The following COCH variants were observed in gnomAD, a reference collection of about 807,000 sequenced individuals.
COCH encodes the protein coagulation factor C homolog, cochlin (Limulus polyphemus).
COCH carries 40 observed loss-of-function variants against 54.8 expected under a neutral mutation model. That is an observed-to-expected ratio of 0.73 (90% CI 0.57 to 0.95). The LOEUF is 0.95. COCH is among the 40% of genes least tolerant of loss of function. COCH has a pLI of 0.00. For missense variants in COCH, 605 were observed against 675.0 expected, an observed-to-expected ratio of 0.90 and a Z score of 1.15; for synonymous variants, 256 against 237.9, an observed-to-expected ratio of 1.08 and a Z score of -0.70.
intron 5 of COCH, among the ~76,000 whole-genome samples, chr14:30,879,210 A>G (rs1421514674): frequency 6.6e-6 from 1 of 152,222 alleles, no homozygotes; most frequent in Non-Finnish European, 1.5e-5. Flanking sequence ...CTTACCAAGG[A>G]ACTGAAAAAC....
At chr14:30,892,516 C>T (rs1594395239), downstream of COCH, among the ~76,000 whole-genome samples, 2 of 152,234 alleles carry the variant, frequency 1.3e-5, no homozygotes, top group South Asian at 2.1e-4. Flanking sequence ...TTAAAAAAAA[C>T]TTGCTGGGCA....
chr14:30,878,677 G>A lies in COCH; in HGVS notation c.240-134G>A, dbSNP rs904517138. On this transcript the variant is annotated intron_variant, in intron 4 of 11. Coordinates refer to ENST00000396618, the MANE Select transcript of COCH (RefSeq NM_004086.3). ...ATCAAATAAATAAATAAATAAAGCA[G>A]AATCTTTAGATGACTTCCCTGATGA... is the stretch of plus-strand genomic sequence containing the variant. 8.6e-6 allele frequency: 11 copies of A among 1,279,240 alleles called. No individual in the cohort carries two copies. In the African/African-American group the frequency reaches 8.9e-5, roughly 10 times the overall value. 79.2% of individuals were successfully genotyped at this position (1,279,240 alleles called of 1,614,324 possible).
chr14:30,888,033 C>T (rs1053958099), intron 11 of COCH, among the ~76,000 whole-genome samples: 4 of 152,012 alleles, frequency 2.6e-5, no homozygotes, highest in Admixed American at 2.0e-4. Flanking sequence ...TTGCAAAAGC[C>T]AGAAAATAGG....
chr14:30,882,955 G>A (rs756137849), intron 8 of COCH, among the ~76,000 whole-genome samples: 5 of 152,208 alleles, frequency 3.3e-5, no homozygotes, highest in Non-Finnish European at 7.3e-5. Context: ...ACTATCAGCA[G>A]TGTGTAAGGT....
chr14:30,890,372 A>G lies in COCH; in HGVS notation c.*581A>G. ...TAGTGTGTTTTCATAACAACTTATG[A>G]CTAAAAATATCACACTGAATAAGAG... On this transcript the variant is annotated 3_prime_UTR_variant, in exon 12 of 12. Coordinates refer to ENST00000396618, the MANE Select transcript of COCH (RefSeq NM_004086.3). The G allele has an allele frequency of 1.0e-6, 1 of 985,422 alleles. No homozygotes were observed. The highest frequency in any genetic ancestry group is 1.7e-5 in the African/African-American group (1 of 57,372). 61.0% of individuals were successfully genotyped at this position (985,422 alleles called of 1,614,324 possible).
intron 8 of COCH, among the ~76,000 whole-genome samples, chr14:30,883,941 A>G (rs1895695972): frequency 6.6e-6 from 1 of 152,200 alleles, no homozygotes; most frequent in South Asian, 2.1e-4. Context: ...AAAAATGTTG[A>G]CGGTCACATC....
Position 30,875,110 on chromosome 14 carries a change from G to C in COCH, c.82+7G>C, listed in dbSNP as rs760344236. ...GCGGGCAGCGAGGGAGCCGGTGAGT[G>C]GGGGAGCTGGGGTGCGTCCAGGCGG... On this transcript the variant is annotated splice_region_variant and intron_variant, in intron 3 of 11. Coordinates refer to ENST00000396618, the MANE Select transcript of COCH (RefSeq NM_004086.3). 2 of 1,559,422 alleles carry C rather than the reference G, an allele frequency of 1.3e-6. No individual in the cohort carries two copies. The highest frequency in any genetic ancestry group is 1.7e-6 in the Non-Finnish European group (2 of 1,152,728).
chr14:30,891,167 G>GTAA (rs933287333), downstream of COCH, among the ~76,000 whole-genome samples: 12 of 152,152 alleles, frequency 7.9e-5, 1 homozygote, highest in Admixed American at 7.2e-4. Context: ...GAAATGTTTT[G>GTAA]TAATTGACAT....
In COCH at chr14:30,875,538, G is replaced by C. The variant is rs1895328134; in HGVS notation, c.82+435G>C. On this transcript the variant is annotated intron_variant, in intron 3 of 11. Transcript: ENST00000396618. The stretch of plus-strand genomic sequence containing the variant: ...TCAGGTTGCCGTAGCCGAGAGAGAG[G>C]GAGGCGAACGTCGCTGTCCCACCTT... 4 of 498,950 alleles carry C rather than the reference G, an allele frequency of 8.0e-6. No homozygotes were observed. The Admixed American group carries it at 1.5e-4, about 18-fold the overall frequency. 30.9% of individuals were successfully genotyped at this position (498,950 alleles called of 1,614,324 possible). A position where few individuals can be genotyped will look rare whatever the true frequency, so the allele number is the denominator to read the frequency against.
chr14:30,885,313 C>A, intron 9 of COCH, 81 bp from the exon 10 acceptor site: 2 of 1,223,566 alleles, frequency 1.6e-6, no homozygotes, highest in Non-Finnish European at 1.2e-6. Flanking sequence ...TTAAACTTTG[C>A]AGCATCAAAT....
chr14:30,889,713 A>C lies in COCH; in HGVS notation c.1575A>C (p.Arg525Ser), dbSNP rs1176302709. The change falls in exon 12 of 12, where the codon AGA (arginine) becomes AGC (serine). Residue 525 changes from arginine (R) to serine (S), a missense_variant. Coordinates refer to ENST00000396618, the MANE Select transcript of COCH (RefSeq NM_004086.3). ...KPKESHAFFT[R>S]EFTGLEPIVS... Reference sequence around the variant, plus strand: ...AGGAGTCTCATGCTTTCTTCACAAGAGAGTTCACAGGATTAGAACCAATTG... The same window carrying C: ...AGGAGTCTCATGCTTTCTTCACAAGCGAGTTCACAGGATTAGAACCAATTG... The C allele has an allele frequency of 6.2e-7, 1 of 1,614,004 alleles. No individual in the cohort carries two copies. The highest frequency in any genetic ancestry group is 1.3e-5 in the African/African-American group (1 of 74,932).
intron 3 of COCH, 163 bp downstream of exon 3, chr14:30,875,266 C>T: frequency 1.0e-6 from 1 of 954,402 alleles, no homozygotes; most frequent in East Asian, 2.6e-5. Flanking sequence ...ACCCCTGCAG[C>T]CGATCTGCTC....
Position 30,880,723 on chromosome 14 carries a change from T to G in COCH, c.618T>G (p.Leu206=). The change falls in exon 8 of 12, where the codon CTT becomes CTG. Residue 206 remains leucine (L), a synonymous_variant. Coordinates refer to ENST00000396618, the MANE Select transcript of COCH (RefSeq NM_004086.3). ...GAACAGAAGGACCACATGTGGGCCT[T>G]GTTCAAGCCAGGTACCAACCTTGTT... is the stretch of plus-strand genomic sequence containing the variant. The part of the protein sequence containing the change: ...GIGTEGPHVG[L]VQASEHPKIE... The G allele has an allele frequency of 1.2e-6, 2 of 1,613,558 alleles. No homozygotes were observed. Among genetic ancestry groups the G allele is most frequent in the Non-Finnish European group, 8.5e-7 (1 of 1,179,534 alleles).
chr14:30,891,044 T>TA (rs11346535), downstream of COCH, among the ~76,000 whole-genome samples: 2 of 150,740 alleles, frequency 1.3e-5, no homozygotes, highest in Middle Eastern at 3.4e-3. Flanking sequence ...ATCTCCAAAA[T>TA]AAAAAAAAAA....
chr14:30,875,310 C>CT, intron 3 of COCH: 3 of 723,428 alleles, frequency 4.1e-6, no homozygotes, highest in Non-Finnish European at 6.7e-6. Context: ...TAGGGGGCCC[C>CT]TGGGGTCCAG....
chr14:30,878,800 TTG>T lies in COCH; in HGVS notation c.240-7_240-6del, dbSNP rs764705598. ...GTGGATAGCATCTCAGCTGCTATTC[TTG>T]TGTTACAGGGGAGTAATCAGCAACT... On this transcript the variant is annotated splice_polypyrimidine_tract_variant and intron_variant, in intron 4 of 11. Transcript: ENST00000396618. 1.9e-6 allele frequency: 3 copies of T among 1,614,202 alleles called. 1 individual carries two copies. In the South Asian group the frequency reaches 3.3e-5, roughly 18 times the overall value.
chr14:30,878,094 A>G (rs78669530), intron 4 of COCH, among the ~76,000 whole-genome samples: 1,559 of 152,346 alleles, frequency 0.01, 26 homozygotes, highest in African/African-American at 0.035. Flanking sequence ...AACTGAACTC[A>G]GAGAGTTGTC....
At chr14:30,895,308 G>A, downstream of COCH, 2 of 1,232,082 alleles carry the variant, frequency 1.6e-6, no homozygotes, top group South Asian at 1.7e-5. Context: ...GCCTTCACCA[G>A]GCAGATCACA....
downstream of COCH, chr14:30,894,909 A>G: frequency 1.2e-6 from 1 of 850,730 alleles, no homozygotes; most frequent in Non-Finnish European, 1.5e-6. Context: ...TTTTTTTTTT[A>G]AAGCAAAATA....
Sources: gnomAD v4.1 joint callset for allele counts (sites outside exome capture counted in the v4.1 genomes callset) on GRCh38, gnomAD v4.1.1 for gene constraint, MANE v1.5 for transcripts, NCBI Gene and HGNC (gene_info 2026-07-23, HGNC 2026-07-21) for gene names.